Variants in LMO7 observed in about 807,000 individuals in gnomAD.
The protein encoded by LMO7 is LIM domain 7.
LMO7 carries 120 observed loss-of-function variants against 206.5 expected under a neutral mutation model. The observed-to-expected ratio is 0.58, with a 90% CI of 0.50 to 0.68. The LOEUF (loss-of-function observed/expected upper bound fraction) is 0.68, where lower values mean the gene tolerates loss of function less well. Among genes scored for constraint, LMO7 ranks in the 30% least tolerant of loss-of-function variants. The pLI is 0.00. For missense variants in LMO7, 1,959 were observed against 1,957.9 expected (o/e 1.00, Z -0.01); for synonymous variants, 706 against 681.5 (o/e 1.04, Z -0.56).
chr13:75,801,825 C>G (rs1784930615), intron 7 of LMO7, among the ~76,000 whole-genome samples: 1 of 152,072 alleles, frequency 6.6e-6, no homozygotes, highest in Non-Finnish European at 1.5e-5. Flanking sequence ...GATATTTTTC[C>G]TAGCATATCT....
chr13:75,649,913 A>G (rs2037396151), intron 1 of LMO7, among the ~76,000 whole-genome samples: 2 of 152,198 alleles, frequency 1.3e-5, no homozygotes, highest in Admixed American at 1.3e-4. Context: ...TTCTTCTGAG[A>G]TTATTTCTCC....
At chr13:75,686,073 C>T (rs2040960912) in intron 1 of LMO7, among the ~76,000 whole-genome samples, 1 of 151,814 alleles carries the variant, frequency 6.6e-6, no homozygotes, top group Non-Finnish European at 1.5e-5. Flanking sequence ...GAGACGTGGT[C>T]TCACCATGTT....
In LMO7 at chr13:75,626,595, A is replaced by ATATTTTTTTTTTTTTT; in HGVS notation, c.225+3276_225+3277insATTTTTTTTTTTTTTT. Among the ~76,000 whole-genome samples, 3 of 71,098 alleles carry ATATTTTTTTTTTTTTT rather than the reference A, an allele frequency of 4.2e-5. 1 individual carries two copies. The highest frequency in any genetic ancestry group is 5.9e-4 in the East Asian group (1 of 1,686). The allele number at this position is 71,098 out of a possible 152,430, so 46.6% of individuals were successfully genotyped here. Reference sequence around the variant, plus strand: ...ATATATATTATATATATATATATAAATTTTTTTGAGACAGGGTCTCACTCT... The same window carrying ATATTTTTTTTTTTTTT: ...ATATATATTATATATATATATATAAATATTTTTTTTTTTTTTTTTTTTTGAGACAGGGTCTCACTCT... On this transcript the variant is annotated intron_variant, in intron 2 of 29. Coordinates refer to the LMO7 transcript ENST00000341547.
rs756696553 is a variant in LMO7, at chr13:75,727,077, G to C, written c.189G>C (p.Leu63=). Residue 63 remains leucine (L), a synonymous_variant, in exon 3 of 31, where the codon CTG becomes CTC. Coordinates refer to ENST00000377534, the MANE Select transcript of LMO7 (RefSeq NM_001306080.2). ...GCGTCATTAAGAAGATCAATAGACT[G>C]TCTACACCAATAGCAGGATTGGTAA... The part of the protein sequence containing the change: ...KPGVIKKINR[L]STPIAGLDNI... 6.3e-7 allele frequency: 1 copy of C among 1,586,394 alleles called. No homozygotes were observed. The highest frequency in any genetic ancestry group is 8.6e-7 in the Non-Finnish European group (1 of 1,156,460).
At chr13:75,646,062 G>GTAC (rs1449115590) in intron 1 of LMO7, among the ~76,000 whole-genome samples, 3 of 152,126 alleles carry the variant, frequency 2.0e-5, no homozygotes, top group Non-Finnish European at 4.4e-5. Flanking sequence ...AAAACTCTTA[G>GTAC]TACTACCCCT....
intron 8 of LMO7, chr13:75,804,952 C>T (rs555316571): frequency 8.0e-6 from 8 of 1,002,522 alleles, no homozygotes; most frequent in South Asian, 8.9e-5. Context: ...CATGGGGAGG[C>T]GTACGGTTTT....
At chr13:75,730,371 C>T (rs978348270) in intron 3 of LMO7, among the ~76,000 whole-genome samples, 1 of 152,234 alleles carries the variant, frequency 6.6e-6, no homozygotes, top group Non-Finnish European at 1.5e-5. Context: ...GTGTATGTGT[C>T]CAGGAATTTA....
intron 2 of LMO7, chr13:75,623,385 A>T: frequency 2.2e-6 from 2 of 893,622 alleles, no homozygotes; most frequent in Non-Finnish European, 3.7e-6. Flanking sequence ...TCTTTTTGAT[A>T]CGGAGTCTTG....
In LMO7 at chr13:75,856,311, T is replaced by C. The variant is rs567644190; in HGVS notation, c.4771-195T>C. 2.0e-5 allele frequency among the ~76,000 whole-genome samples: 3 copies of C among 152,322 alleles called. No homozygotes were observed. The East Asian group carries it at 5.8e-4, about 29-fold the overall frequency. On this transcript the variant is annotated intron_variant, in intron 29 of 30. Coordinates refer to ENST00000377534, the MANE Select transcript of LMO7 (RefSeq NM_001306080.2). ...TCATCTTGGCTCTTAATATTGGCTT[T>C]ATGAATTCTTTAACATCTTATCTGG...
chr13:75,835,396 G>A (rs2059035094), intron 18 of LMO7, 57 bp downstream of exon 18: 9 of 1,057,336 alleles, frequency 8.5e-6, no homozygotes, highest in Non-Finnish European at 1.2e-5. Context: ...TGTTAGAATT[G>A]TGTATGGAAG....
At chr13:75,729,929 T>C (rs1032353124) in intron 3 of LMO7, among the ~76,000 whole-genome samples, 9 of 152,208 alleles carry the variant, frequency 5.9e-5, no homozygotes, top group African/African-American at 9.6e-5. Flanking sequence ...CTGGATTACA[T>C]TGATTGATTT....
chr13:75,770,803 C>T (rs772862405), intron 4 of LMO7, among the ~76,000 whole-genome samples: 6 of 152,040 alleles, frequency 3.9e-5, no homozygotes, highest in Non-Finnish European at 7.4e-5. Flanking sequence ...AATAACAGCC[C>T]AGCCAGGTAT....
chr13:75,658,801 G>A (rs1013813221), intron 1 of LMO7, among the ~76,000 whole-genome samples: 1 of 151,718 alleles, frequency 6.6e-6, no homozygotes, highest in Non-Finnish European at 1.5e-5. Flanking sequence ...GTGTTAGCCA[G>A]GATGGTTTTA....
intron 1 of LMO7, among the ~76,000 whole-genome samples, chr13:75,642,314 CAG>C (rs1467158321): frequency 6.6e-6 from 1 of 151,830 alleles, no homozygotes; most frequent in Non-Finnish European, 1.5e-5. Context: ...TTTAGTAAAA[CAG>C]GGTGTCAGCC....
chr13:75,709,827 C>G (rs981811418), intron 1 of LMO7, among the ~76,000 whole-genome samples: 4 of 140,086 alleles, frequency 2.9e-5, no homozygotes, highest in Non-Finnish European at 4.6e-5. Flanking sequence ...TTAATTTTGG[C>G]TTTTGTTGCC....
intron 3 of LMO7, among the ~76,000 whole-genome samples, chr13:75,731,662 A>G (rs1298432554): frequency 6.7e-6 from 1 of 149,584 alleles, no homozygotes; most frequent in Non-Finnish European, 1.5e-5. Flanking sequence ...GTGAATTTGA[A>G]CCTGTCATTA....
chr13:75,822,003 A>T (rs1488613689), intron 14 of LMO7, among the ~76,000 whole-genome samples: 1 of 152,182 alleles, frequency 6.6e-6, no homozygotes. Flanking sequence ...AGAGATTTTC[A>T]GGTGCTTATG....
At chr13:75,781,096 C>CTTTTTTTTTTTTTTTTTTTTTTTCTT (rs367937964) in intron 4 of LMO7, among the ~76,000 whole-genome samples, 1 of 41,924 alleles carries the variant, frequency 2.4e-5, no homozygotes, top group African/African-American at 1.1e-4. Flanking sequence ...CTCTATTTTC[C>CTTTTTTTTTTTTTTTTTTTTTTTCTT]TTTTTTTTTT....
intron 4 of LMO7, among the ~76,000 whole-genome samples, chr13:75,766,426 A>G (rs2048895271): frequency 6.6e-6 from 1 of 152,068 alleles, no homozygotes; most frequent in Non-Finnish European, 1.5e-5. Flanking sequence ...TTCATCCAGT[A>G]AGAGGAAATT....
Sources: gnomAD v4.1 joint callset for allele counts (sites outside exome capture counted in the v4.1 genomes callset) on GRCh38, gnomAD v4.1.1 for gene constraint, MANE v1.5 for transcripts, NCBI Gene and HGNC (gene_info 2026-07-23, HGNC 2026-07-21) for gene names.